NHSL1: variants seen among roughly 807,000 people sequenced by gnomAD.
The protein encoded by NHSL1 is NHS-like protein 1.
A neutral mutation model predicts 95.0 loss-of-function variants in NHSL1; 48 were observed. That is an observed-to-expected ratio of 0.51 (90% CI 0.40 to 0.64). NHSL1 has a LOEUF of 0.64. Among genes scored for constraint, NHSL1 ranks in the 30% least tolerant of loss-of-function variants. NHSL1 has a pLI of 0.00. For missense variants in NHSL1, 1,971 were observed against 2,077.7 expected, an observed-to-expected ratio of 0.95 and a Z score of 1.00; for synonymous variants, 783 against 833.9, an observed-to-expected ratio of 0.94 and a Z score of 1.05.
At chr6:138,527,116 C>T (rs1781937201) in intron 1 of NHSL1, among the ~76,000 whole-genome samples, 1 of 152,138 alleles carries the variant, frequency 6.6e-6, no homozygotes, top group South Asian at 2.1e-4. Context: ...CACACAAATC[C>T]GAGCCGTCGC....
chr6:138,519,000 A>G (rs1781564842), intron 1 of NHSL1, among the ~76,000 whole-genome samples: 1 of 152,208 alleles, frequency 6.6e-6, no homozygotes, highest in African/African-American at 2.4e-5. Flanking sequence ...CCTGGGTGAC[A>G]GAGCAAGACA....
chr6:138,648,300 C>T (rs115136810), intron 1 of NHSL1, among the ~76,000 whole-genome samples: 8,571 of 144,522 alleles, frequency 0.059, 255 homozygotes, highest in South Asian at 0.08. Context: ...CAGCTATAGA[C>T]AATCATAAAT....
intron 2 of NHSL1, among the ~76,000 whole-genome samples, chr6:138,476,158 G>C (rs895108179): frequency 6.6e-6 from 1 of 152,032 alleles, no homozygotes; most frequent in African/African-American, 2.4e-5. Context: ...CTATCCAAAG[G>C]AAAAGACATC....
chr6:138,563,840 C>T (rs1375673018), intron 1 of NHSL1, among the ~76,000 whole-genome samples: 3 of 152,120 alleles, frequency 2.0e-5, no homozygotes, highest in East Asian at 1.9e-4. Context: ...TGAAGTTACA[C>T]GTGACTCATG....
intron 1 of NHSL1, among the ~76,000 whole-genome samples, chr6:138,620,650 A>G (rs1227170374): frequency 6.6e-6 from 1 of 151,852 alleles, no homozygotes; most frequent in Non-Finnish European, 1.5e-5. Context: ...AACAATCCAA[A>G]AGCATGTTGA....
intron 1 of NHSL1, among the ~76,000 whole-genome samples, chr6:138,514,092 G>A (rs1430960981): frequency 2.0e-5 from 3 of 152,116 alleles, no homozygotes; most frequent in African/African-American, 2.4e-5. Context: ...CAAGGCGGGC[G>A]GATCACCTGA....
intron 1 of NHSL1, among the ~76,000 whole-genome samples, chr6:138,517,515 G>A (rs186217856): frequency 7.2e-5 from 11 of 152,288 alleles, no homozygotes; most frequent in Admixed American, 2.6e-4. Context: ...TCAGTATTTA[G>A]GGAAAGAACA....
intron 2 of NHSL1, among the ~76,000 whole-genome samples, chr6:138,473,755 GCT>G: frequency 6.6e-6 from 1 of 151,700 alleles, no homozygotes; most frequent in Non-Finnish European, 1.5e-5. Context: ...TATATTATTT[GCT>G]CAATAATGTT....
At chr6:138,442,257 C>A in intron 4 of NHSL1, 143 bp from the exon 5 acceptor site, 1 of 828,140 alleles carries the variant, frequency 1.2e-6, no homozygotes, top group Non-Finnish European at 1.7e-6. Context: ...TGCTGAAGGG[C>A]AAAAAAGGAA....
At position 138,621,526 on chromosome 6, in the gene NHSL1, G is replaced by C. The variant is rs1784664182; in HGVS notation, c.96+70950C>G. 2.0e-5 allele frequency among the ~76,000 whole-genome samples: 3 copies of C among 151,418 alleles called. No individual in the cohort carries two copies. The South Asian group carries it at 6.2e-4, about 31-fold the overall frequency. ...CTTGCTCTGTTGCCCAGGCTGGAGT[G>C]CAGTGGCTCAACCTCAGTTCACTGC... On this transcript the variant is annotated intron_variant, in intron 1 of 3. Coordinates refer to the NHSL1 transcript ENST00000491526.
chr6:138,625,541 CA>C (rs1784725033), intron 1 of NHSL1, among the ~76,000 whole-genome samples: 1 of 151,498 alleles, frequency 6.6e-6, no homozygotes, highest in African/African-American at 2.4e-5. Context: ...CCTTCCTAGA[CA>C]GTAGCAATTT....
chr6:138,585,258 T>A (rs1784117350), intron 1 of NHSL1, among the ~76,000 whole-genome samples: 1 of 152,094 alleles, frequency 6.6e-6, no homozygotes, highest in Admixed American at 6.6e-5. Flanking sequence ...CAGATTCCCA[T>A]CAGGAAAATA....
chr6:138,510,446 T>C (rs761758650), intron 1 of NHSL1, among the ~76,000 whole-genome samples: 20 of 152,228 alleles, frequency 1.3e-4, no homozygotes, highest in African/African-American at 4.8e-4. Context: ...AATATTTTAT[T>C]TGATTAGTGT....
At chr6:138,480,978 G>A (rs141496226) in intron 2 of NHSL1, among the ~76,000 whole-genome samples, 6 of 152,218 alleles carry the variant, frequency 3.9e-5, no homozygotes, top group Non-Finnish European at 8.8e-5. Flanking sequence ...CTGGTAGATC[G>A]AAGTTTTTAA....
chr6:138,655,409 T>A (rs1179148499), intron 1 of NHSL1, among the ~76,000 whole-genome samples: 1 of 152,236 alleles, frequency 6.6e-6, no homozygotes, highest in Non-Finnish European at 1.5e-5. Flanking sequence ...AGAAGCTCTT[T>A]GAGGTCAGAG....
rs187209339 is a variant in NHSL1, at chr6:138,656,066, G to A, written c.96+36410C>T. Among the ~76,000 whole-genome samples, 513 of 152,298 alleles carry A rather than the reference G, an allele frequency of 3.4e-3. 4 individuals carry two copies. Among genetic ancestry groups the A allele is most frequent in the African/African-American group, 0.012 (482 of 41,566 alleles). On this transcript the variant is annotated intron_variant, in intron 1 of 3. Transcript: ENST00000491526. ...GTCCTGGACATGCCGCAGGCAACTC[G>A]TGACTCTGAGGAGAAACCCATGTGA...
upstream of NHSL1, among the ~76,000 whole-genome samples, chr6:138,502,338 A>G (rs374440304): frequency 7.2e-5 from 11 of 152,212 alleles, no homozygotes; most frequent in African/African-American, 2.7e-4. Context: ...TATAATCTGC[A>G]TGCCTCAATG....
At chr6:138,676,193 A>G (rs935928923) in intron 1 of NHSL1, among the ~76,000 whole-genome samples, 5 of 152,162 alleles carry the variant, frequency 3.3e-5, no homozygotes, top group Non-Finnish European at 7.3e-5. Context: ...ATTTAATCCA[A>G]TATTCTGTAC....
At chr6:138,524,951 TG>T (rs1172354903) in intron 1 of NHSL1, among the ~76,000 whole-genome samples, 1 of 152,140 alleles carries the variant, frequency 6.6e-6, no homozygotes, top group African/African-American at 2.4e-5. Flanking sequence ...CAAAGGTTTG[TG>T]TAATAAAAGC....
Sources: allele counts gnomAD v4.1 joint callset (sites outside exome capture counted in the v4.1 genomes callset), GRCh38; gene constraint gnomAD v4.1.1; transcripts MANE v1.5; gene names NCBI Gene and HGNC (gene_info 2026-07-23, HGNC 2026-07-21).